The following LPP variants were observed in gnomAD, a reference collection of about 807,000 sequenced individuals.
LPP encodes lipoma-preferred partner.
In LPP, 38 loss-of-function variants were observed where a neutral mutation model predicts 60.4. The ratio of observed to expected loss-of-function variants is 0.63; its 90% CI spans 0.49 to 0.83. LPP has a LOEUF of 0.83. LPP is among the 40% of genes least tolerant of loss of function. LPP has a pLI of 0.00. For missense variants in LPP, 902 were observed against 783.6 expected (o/e 1.15, Z -1.80); for synonymous variants, 328 against 290.8 (o/e 1.13, Z -1.30).
At chr3:188,199,907 GT>G (rs1387969716) in intron 1 of LPP, among the ~76,000 whole-genome samples, 1 of 151,972 alleles carries the variant, frequency 6.6e-6, no homozygotes, top group Non-Finnish European at 1.5e-5. Context: ...TAGAGACGGG[GT>G]TTCACCATGT....
At chr3:188,189,454 T>C (rs566894336) in intron 1 of LPP, among the ~76,000 whole-genome samples, 9 of 152,266 alleles carry the variant, frequency 5.9e-5, no homozygotes, top group South Asian at 2.1e-4. Context: ...CAGGATATAA[T>C]TGGGGCCACG....
chr3:188,797,892 G>A (rs937845799), intron 9 of LPP, among the ~76,000 whole-genome samples: 3 of 152,174 alleles, frequency 2.0e-5, no homozygotes, highest in African/African-American at 7.2e-5. Flanking sequence ...ATGCTTTGAG[G>A]TTGAATTAAG....
At chr3:188,243,488 C>G in intron 2 of LPP, among the ~76,000 whole-genome samples, 1 of 152,174 alleles carries the variant, frequency 6.6e-6, no homozygotes, top group East Asian at 1.9e-4. Flanking sequence ...TGGGAAGGGC[C>G]TTTGAAAAGC....
intron 7 of LPP, among the ~76,000 whole-genome samples, chr3:188,642,398 T>A (rs1215345319): frequency 1.3e-5 from 2 of 152,202 alleles, no homozygotes; most frequent in Non-Finnish European, 2.9e-5. Flanking sequence ...GGATGTTTGG[T>A]TAACGTTTAG....
chr3:188,861,397 A>G (rs1454303802), intron 9 of LPP, among the ~76,000 whole-genome samples: 2 of 152,188 alleles, frequency 1.3e-5, no homozygotes, highest in Non-Finnish European at 2.9e-5. Context: ...ATAAGATCAC[A>G]TTTTAATTTT....
At chr3:188,622,796 G>A (rs371757747) in intron 7 of LPP, among the ~76,000 whole-genome samples, 146 of 152,158 alleles carry the variant, frequency 9.6e-4, no homozygotes, top group East Asian at 8.1e-3. Context: ...TTGGGAGACC[G>A]AGGCAGGCAG....
chr3:188,765,380 C>T (rs1172412569), intron 9 of LPP, among the ~76,000 whole-genome samples: 1 of 151,198 alleles, frequency 6.6e-6, no homozygotes, highest in Admixed American at 6.6e-5. Context: ...CAGAACTCTC[C>T]TAGGAAGGAG....
intron 2 of LPP, among the ~76,000 whole-genome samples, chr3:188,312,192 T>C (rs1420709880): frequency 2.6e-5 from 4 of 152,138 alleles, no homozygotes; most frequent in Non-Finnish European, 4.4e-5. Context: ...TGTATTTATA[T>C]TCCAGTGTAT....
At chr3:188,231,023 G>C (rs529585883) in intron 2 of LPP, among the ~76,000 whole-genome samples, 1 of 152,272 alleles carries the variant, frequency 6.6e-6, no homozygotes, top group South Asian at 2.1e-4. Context: ...TTGCCGTGTA[G>C]GGCTCTCTAT....
rs1770090226 is a variant in LPP, at chr3:188,882,030, C to T, written c.*7551C>T. ...CAACATCCTTATCTCTTACTCAGCT[C>T]TTCAATTTATAATTACCAAATAATC... On this transcript the variant is annotated 3_prime_UTR_variant, in exon 12 of 12. Coordinates refer to ENST00000617246, the MANE Select transcript of LPP (RefSeq NM_001375462.1). 4.7e-6 allele frequency: 1 copy of T among 210,678 alleles called. No homozygotes were observed. Among genetic ancestry groups the T allele is most frequent in the East Asian group, 7.2e-5 (1 of 13,890 alleles). 13.1% of individuals were successfully genotyped at this position (210,678 alleles called of 1,614,324 possible). A position where few individuals can be genotyped will look rare whatever the true frequency, so the allele number is the denominator to read the frequency against.
intron 4 of LPP, among the ~76,000 whole-genome samples, chr3:188,407,790 T>TTTG (rs1560364536): frequency 3.9e-5 from 3 of 76,324 alleles, no homozygotes; most frequent in African/African-American, 9.9e-5. Flanking sequence ...GTTTGTTTGT[T>TTTG]TTTTTTTTTT....
At chr3:188,384,839 G>A (rs371948313) in intron 3 of LPP, among the ~76,000 whole-genome samples, 43 of 147,874 alleles carry the variant, frequency 2.9e-4, no homozygotes, top group Non-Finnish European at 5.5e-4. Context: ...CAGAAGTCCC[G>A]GAGTCCTTTC....
At chr3:188,475,176 A>G (rs1340609540) in intron 4 of LPP, among the ~76,000 whole-genome samples, 1 of 152,214 alleles carries the variant, frequency 6.6e-6, no homozygotes, top group Non-Finnish European at 1.5e-5. Flanking sequence ...AGTCTCAGAT[A>G]TATTCTGTAT....
intron 9 of LPP, among the ~76,000 whole-genome samples, chr3:188,845,779 T>C (rs1454777874): frequency 6.6e-6 from 1 of 152,150 alleles, no homozygotes; most frequent in Non-Finnish European, 1.5e-5. Flanking sequence ...GACAAGTGGA[T>C]TCACAAACAA....
intron 6 of LPP, among the ~76,000 whole-genome samples, chr3:188,585,278 G>T (rs1213142502): frequency 6.6e-6 from 1 of 151,992 alleles, no homozygotes; most frequent in Non-Finnish European, 1.5e-5. Flanking sequence ...AGATTCAATG[G>T]GTTGTTAAAA....
intron 4 of LPP, among the ~76,000 whole-genome samples, chr3:188,443,550 G>A (rs1794549819): frequency 1.3e-5 from 2 of 152,306 alleles, no homozygotes; most frequent in South Asian, 2.1e-4. Context: ...CAAACATGAA[G>A]GACTGTTATG....
At chr3:188,353,116 T>C (rs763293934) in intron 3 of LPP, among the ~76,000 whole-genome samples, 1 of 152,228 alleles carries the variant, frequency 6.6e-6, no homozygotes, top group Non-Finnish European at 1.5e-5. Flanking sequence ...GAGTACTGTA[T>C]AATGTCAAGT....
At chr3:188,670,448 T>C (rs1451102236) in intron 7 of LPP, among the ~76,000 whole-genome samples, 1 of 149,202 alleles carries the variant, frequency 6.7e-6, no homozygotes, top group African/African-American at 2.5e-5. Flanking sequence ...CAGGTCTCTC[T>C]CTTTTTTTTT....
intron 2 of LPP, among the ~76,000 whole-genome samples, chr3:188,237,762 C>T (rs1321922012): frequency 6.6e-6 from 1 of 151,858 alleles, no homozygotes; most frequent in Non-Finnish European, 1.5e-5. Context: ...TTTGTCATTC[C>T]ATTTATAGAG....
Sources: allele counts gnomAD v4.1 joint callset (sites outside exome capture counted in the v4.1 genomes callset), GRCh38; gene constraint gnomAD v4.1.1; transcripts MANE v1.5; gene names NCBI Gene and HGNC (gene_info 2026-07-23, HGNC 2026-07-21).